The following GUCY2F variants were observed in gnomAD, a reference collection of about 807,000 sequenced individuals.
GUCY2F encodes retinal guanylyl cyclase 2.
GUCY2F carries 61 observed loss-of-function variants against 73.1 expected under a neutral mutation model. The ratio of observed to expected loss-of-function variants is 0.83; its 90% CI spans 0.68 to 1.03. GUCY2F has a LOEUF of 1.03. Among genes scored for constraint, GUCY2F ranks in the 50% least tolerant of loss-of-function variants. The probability of loss-of-function intolerance (pLI) is 0.00; values close to 1 mark genes in which losing one functional copy is unlikely to be tolerated. For missense variants in GUCY2F, 912 were observed against 854.3 expected (o/e 1.07, Z -0.84); for synonymous variants, 331 against 307.8 (o/e 1.08, Z -0.79).
intron 3 of GUCY2F, among the ~76,000 whole-genome samples, chrX:109,464,688 C>T (rs759188130): frequency 2.7e-5 from 3 of 112,610 alleles, no homozygotes; most frequent in South Asian, 7.4e-4. Flanking sequence ...TCCTTGGGTT[C>T]AGTATTGGGA....
In GUCY2F at chrX:109,388,473, T is replaced by C; in HGVS notation, c.2956+16A>G. ...GGCGCATTAGAATGTTTCCTCTTACTTTAACTGGTTATTACCTGAGTGAAG... is the reference window on the plus strand; with the variant it reads ...GGCGCATTAGAATGTTTCCTCTTACCTTAACTGGTTATTACCTGAGTGAAG... On this transcript the variant is annotated intron_variant, in intron 15 of 19. Coordinates refer to ENST00000218006, the MANE Select transcript of GUCY2F (RefSeq NM_001522.3). 1 of 1,172,112 alleles carries C rather than the reference T, an allele frequency of 8.5e-7. No individual in the cohort carries two copies. The highest frequency in any genetic ancestry group is 1.2e-6 in the Non-Finnish European group (1 of 862,108).
In GUCY2F at chrX:109,398,546, T is replaced by C. The variant is rs1930763128; in HGVS notation, c.2275+3A>G. 3 of 1,207,373 alleles carry C rather than the reference T, an allele frequency of 2.5e-6. No individual in the cohort carries two copies. Among genetic ancestry groups the C allele is most frequent in the Non-Finnish European group, 3.4e-6 (3 of 892,553 alleles). On this transcript the variant is annotated splice_donor_region_variant and intron_variant, in intron 11 of 19. Transcript: ENST00000218006. The stretch of plus-strand genomic sequence containing the variant: ...TGGGGCCCTTTTCTCACCTCCCGCT[T>C]ACCTTGAGCTGGCAGATCCATCATG...
chrX:109,476,721 T>TA (rs111696900), intron 1 of GUCY2F, among the ~76,000 whole-genome samples: 49 of 81,473 alleles, frequency 6.0e-4, no homozygotes, highest in African/African-American at 1.7e-3. Flanking sequence ...GACCCAGAGG[T>TA]AAAGATAGAT....
chrX:109,409,262 T>C, intron 8 of GUCY2F, 94 bp from the exon 9 acceptor site: 1 of 477,128 alleles, frequency 2.1e-6, no homozygotes, highest in South Asian at 3.4e-5. Context: ...ACCCTTCTTA[T>C]GATTGGTTGT....
chrX:109,441,519 A>C (rs1401302064), intron 6 of GUCY2F, 37 bp from the exon 7 acceptor site: 1 of 1,053,305 alleles, frequency 9.5e-7, no homozygotes, highest in South Asian at 2.6e-5. Flanking sequence ...TATGACCAAA[A>C]TACTCATGAT....
intron 8 of GUCY2F, among the ~76,000 whole-genome samples, chrX:109,422,005 T>C (rs989690841): frequency 9.0e-6 from 1 of 111,715 alleles, no homozygotes; most frequent in African/African-American, 3.2e-5. Context: ...TCCATTTACA[T>C]AAAATCAAAG....
intron 6 of GUCY2F, among the ~76,000 whole-genome samples, chrX:109,447,440 C>G (rs1423375705): frequency 9.0e-6 from 1 of 110,635 alleles, no homozygotes; most frequent in Non-Finnish European, 1.9e-5. Context: ...GAATACTATG[C>G]AGCCATAAAA....
At chrX:109,412,282 C>A (rs764403324) in intron 8 of GUCY2F, among the ~76,000 whole-genome samples, 69 of 111,574 alleles carry the variant, frequency 6.2e-4, no homozygotes, top group African/African-American at 2.1e-3. Flanking sequence ...AAGAATTATT[C>A]TATTTTGAAC....
chrX:109,398,398 C>T (rs887477965), intron 11 of GUCY2F, 151 bp downstream of exon 11: 2 of 497,412 alleles, frequency 4.0e-6, no homozygotes, highest in African/African-American at 4.8e-5. Context: ...AGCTGTCTGG[C>T]TATAAGTCCC....
At chrX:109,431,179 T>C (rs1446340566) in intron 7 of GUCY2F, among the ~76,000 whole-genome samples, 1 of 111,840 alleles carries the variant, frequency 8.9e-6, no homozygotes, top group African/African-American at 3.3e-5. Flanking sequence ...CATAAAGCCC[T>C]ATTTAGTTTC....
intron 6 of GUCY2F, among the ~76,000 whole-genome samples, chrX:109,444,576 T>C (rs966691734): frequency 1.8e-5 from 2 of 112,044 alleles, no homozygotes; most frequent in Non-Finnish European, 3.8e-5. Context: ...TAGCTAGCTT[T>C]GACAGTACTC....
intron 3 of GUCY2F, among the ~76,000 whole-genome samples, chrX:109,455,146 A>G (rs887838627): frequency 1.8e-5 from 2 of 111,363 alleles, no homozygotes; most frequent in Non-Finnish European, 3.8e-5. Context: ...AGACCAACAA[A>G]AAGAGATGCT....
chrX:109,420,175 G>T (rs186272147), intron 8 of GUCY2F, among the ~76,000 whole-genome samples: 2 of 100,817 alleles, frequency 2.0e-5, no homozygotes, highest in African/African-American at 7.3e-5. Context: ...TGGATCATAG[G>T]CCTAAACCCA....
chrX:109,384,850 C>T (rs906111485), intron 16 of GUCY2F, among the ~76,000 whole-genome samples: 5 of 111,035 alleles, frequency 4.5e-5, no homozygotes, highest in African/African-American at 1.6e-4. Flanking sequence ...AACATGACTC[C>T]CACAAACCCA....
chrX:109,382,040 CTCTT>C, intron 17 of GUCY2F, 74 bp downstream of exon 17: 1 of 531,201 alleles, frequency 1.9e-6, no homozygotes, highest in South Asian at 3.2e-5. Flanking sequence ...CCCAGGTAAA[CTCTT>C]TCAGCAGACC....
intron 11 of GUCY2F, 106 bp downstream of exon 11, chrX:109,398,443 A>C: frequency 1.4e-6 from 1 of 702,374 alleles, no homozygotes; most frequent in Non-Finnish European, 2.2e-6. Context: ...GCAGACTATC[A>C]GGCTGTTAGC....
intron 7 of GUCY2F, among the ~76,000 whole-genome samples, chrX:109,436,225 C>A (rs1931742057): frequency 8.9e-6 from 1 of 111,848 alleles, no homozygotes; most frequent in African/African-American, 3.3e-5. Flanking sequence ...CAAATCAAAG[C>A]CACAATGAGA....
At chrX:109,389,738 A>T (rs1225516972) in intron 14 of GUCY2F, among the ~76,000 whole-genome samples, 2 of 111,539 alleles carry the variant, frequency 1.8e-5, no homozygotes, top group African/African-American at 6.5e-5. Flanking sequence ...AGTTCAAGCT[A>T]TCACCATCAT....
intron 8 of GUCY2F, among the ~76,000 whole-genome samples, chrX:109,411,567 T>C (rs1489280140): frequency 8.9e-6 from 1 of 112,022 alleles, no homozygotes; most frequent in Non-Finnish European, 1.9e-5. Flanking sequence ...AGAATTTCCA[T>C]CTCAGGCTCA....
Sources: gnomAD v4.1 joint callset for allele counts (sites outside exome capture counted in the v4.1 genomes callset) on GRCh38, gnomAD v4.1.1 for gene constraint, MANE v1.5 for transcripts, NCBI Gene and HGNC (gene_info 2026-07-23, HGNC 2026-07-21) for gene names.